CCDC171: variants seen among roughly 807,000 people sequenced by gnomAD.
The protein encoded by CCDC171 is coiled-coil domain-containing protein 171.
A neutral mutation model predicts 168.2 loss-of-function variants in CCDC171; 177 were observed. The observed-to-expected ratio is 1.05, with a 90% CI of 0.93 to 1.19. The LOEUF is 1.19. CCDC171 is among the 50% of genes most tolerant of loss of function. The pLI, the probability that CCDC171 is intolerant of heterozygous loss-of-function variation, is 0.00. For missense variants in CCDC171, 1,991 were observed against 1,539.0 expected, an observed-to-expected ratio of 1.29 and a Z score of -4.91; for synonymous variants, 687 against 540.8, an observed-to-expected ratio of 1.27 and a Z score of -3.75.
At chr9:16,080,285 C>T in the CCDC171 span, among the ~76,000 whole-genome samples, 2 of 152,088 alleles carry the variant, frequency 1.3e-5, no homozygotes, top group Admixed American at 1.3e-4. Flanking sequence ...ATAGTGATCG[C>T]TAATCATTTT....
At chr9:15,599,296 C>T (rs78874592) in intron 6 of CCDC171, among the ~76,000 whole-genome samples, 1 of 152,104 alleles carries the variant, frequency 6.6e-6, no homozygotes, top group African/African-American at 2.4e-5. Flanking sequence ...TTGGTTGTTC[C>T]TTTCCATGTT....
chr9:16,016,796 A>G (rs949464598), intron 3 of CCDC171, among the ~76,000 whole-genome samples: 13 of 152,368 alleles, frequency 8.5e-5, no homozygotes, highest in African/African-American at 3.1e-4. Flanking sequence ...AATGTAATGA[A>G]TAATTAGAAG....
chr9:15,957,598 A>T (rs1013774628), intron 25 of CCDC171, among the ~76,000 whole-genome samples: 2 of 152,222 alleles, frequency 1.3e-5, no homozygotes, highest in African/African-American at 4.8e-5. Flanking sequence ...CTGCCCAAGC[A>T]GATAGACATT....
intron 1 of CCDC171, among the ~76,000 whole-genome samples, chr9:15,563,283 C>A (rs1174140733): frequency 6.6e-6 from 1 of 151,918 alleles, no homozygotes; most frequent in Non-Finnish European, 1.5e-5. Flanking sequence ...GGATTACAGG[C>A]ATGTGCCACC....
At chr9:16,000,414 G>T (rs1337427936) in intron 3 of CCDC171, among the ~76,000 whole-genome samples, 1 of 152,156 alleles carries the variant, frequency 6.6e-6, no homozygotes, top group Non-Finnish European at 1.5e-5. Flanking sequence ...TGGCAAGGAA[G>T]TGTAGGTGAG....
At chr9:16,047,750 T>C (rs13291480) in intron 1 of CCDC171, among the ~76,000 whole-genome samples, 2 of 152,212 alleles carry the variant, frequency 1.3e-5, no homozygotes, top group Non-Finnish European at 1.5e-5. Context: ...GCTTCCTCAA[T>C]TGTAGAATAG....
intron 11 of CCDC171, among the ~76,000 whole-genome samples, chr9:15,707,429 T>C (rs2052332867): frequency 6.6e-6 from 1 of 152,256 alleles, no homozygotes; most frequent in Non-Finnish European, 1.5e-5. Context: ...TTTTGCTTCA[T>C]CTATTCAGAG....
At chr9:15,850,606 C>T (rs1341740) in intron 23 of CCDC171, among the ~76,000 whole-genome samples, 14,493 of 151,922 alleles carry the variant, frequency 0.095, 931 homozygotes, top group South Asian at 0.21. Flanking sequence ...AATTACTTTT[C>T]AAGCTTGTAG....
chr9:15,573,444 G>A (rs2040393081), intron 3 of CCDC171, among the ~76,000 whole-genome samples: 1 of 151,886 alleles, frequency 6.6e-6, no homozygotes, highest in Admixed American at 6.6e-5. Context: ...ACCATGCCCG[G>A]CTAATTTTTG....
intron 9 of CCDC171, among the ~76,000 whole-genome samples, chr9:15,677,848 T>G (rs2049707420): frequency 1.1e-5 from 1 of 92,764 alleles, no homozygotes; most frequent in Non-Finnish European, 2.1e-5. Flanking sequence ...TGTGTGTGTG[T>G]GTGTATGTAT....
intron 25 of CCDC171, among the ~76,000 whole-genome samples, chr9:15,970,993 CT>C (rs1831309476): frequency 6.6e-6 from 1 of 151,864 alleles, no homozygotes; most frequent in Non-Finnish European, 1.5e-5. Context: ...ACGTGTACCC[CT>C]GAACCTAAAA....
intron 7 of CCDC171, among the ~76,000 whole-genome samples, chr9:15,631,368 C>G (rs1412180065): frequency 6.6e-6 from 1 of 152,132 alleles, no homozygotes; most frequent in Non-Finnish European, 1.5e-5. Flanking sequence ...GAAATACAAA[C>G]TACCATCAGA....
At position 15,772,834 on chromosome 9, in the gene CCDC171, A is replaced by C. The variant is rs559424436; in HGVS notation, c.2672-4766A>C. The stretch of plus-strand genomic sequence containing the variant: ...GTCTTAGATATGGCCATGACTACAG[A>C]GAAAATGGAATAAATTGGAGAAATA... On this transcript the variant is annotated intron_variant, in intron 18 of 25. Transcript: ENST00000380701. Among the ~76,000 whole-genome samples, 34 of 152,322 alleles carry C rather than the reference A, an allele frequency of 2.2e-4. 1 individual carries two copies. In the South Asian group the frequency reaches 6.8e-3, roughly 31 times the overall value.
chr9:15,590,527 G>C (rs925151826), intron 4 of CCDC171, among the ~76,000 whole-genome samples: 3 of 152,172 alleles, frequency 2.0e-5, no homozygotes, highest in Non-Finnish European at 4.4e-5. Flanking sequence ...GTTGATAGGT[G>C]TTGGTTATTG....
rs2057506965 is a variant in CCDC171, at chr9:15,779,027, A to G, written c.2958A>G (p.Ala986=). ...ILGFTQRLHA[A]EVERRSLRLE... is the part of the protein sequence containing the mutation. The stretch of plus-strand genomic sequence containing the variant: ...GATTTACACAAAGACTGCATGCTGC[A>G]GAAGTGGAGCGCCGCTCACTACGCT... The change falls in exon 20 of 26, where the codon GCA becomes GCG. Residue 986 remains alanine (A), a synonymous_variant. Transcript: ENST00000380701. 6.3e-7 allele frequency: 1 copy of G among 1,597,694 alleles called. No homozygotes were observed. The highest frequency in any genetic ancestry group is 8.5e-7 in the Non-Finnish European group (1 of 1,173,114).
chr9:16,027,321 A>G (rs1309520520), intron 6 of CCDC171, among the ~76,000 whole-genome samples: 1 of 152,132 alleles, frequency 6.6e-6, no homozygotes, highest in African/African-American at 2.4e-5. Flanking sequence ...AAAGAGAGAG[A>G]AAGAGACTGA....
chr9:15,589,548 A>C (rs1380610710), intron 4 of CCDC171, among the ~76,000 whole-genome samples: 2 of 152,176 alleles, frequency 1.3e-5, no homozygotes, highest in African/African-American at 2.4e-5. Context: ...GAGAACATCA[A>C]ATGAGGACTT....
At chr9:15,886,305 A>C (rs561734770) in intron 24 of CCDC171, 2 of 152,316 alleles carry the variant, frequency 1.3e-5, no homozygotes, top group Admixed American at 1.3e-4. Context: ...AAAAATGGGC[A>C]AAGGACCTAA....
At chr9:15,639,654 C>T (rs1243369662) in intron 7 of CCDC171, among the ~76,000 whole-genome samples, 4 of 152,026 alleles carry the variant, frequency 2.6e-5, no homozygotes, top group South Asian at 2.1e-4. Context: ...CTTCTGAAAC[C>T]GTTAAGGCTC....
Sources: gnomAD v4.1 joint callset for allele counts (sites outside exome capture counted in the v4.1 genomes callset) on GRCh38, gnomAD v4.1.1 for gene constraint, MANE v1.5 for transcripts, NCBI Gene and HGNC (gene_info 2026-07-23, HGNC 2026-07-21) for gene names.